ADAM10: variants seen among roughly 807,000 people sequenced by gnomAD.
ADAM10 encodes disintegrin and metalloproteinase domain-containing protein 10.
A neutral mutation model predicts 90.1 loss-of-function variants in ADAM10; 17 were observed. The ratio of observed to expected loss-of-function variants is 0.19; its 90% CI spans 0.13 to 0.28. The LOEUF (loss-of-function observed/expected upper bound fraction) is 0.28, where lower values mean the gene tolerates loss of function less well. ADAM10 is among the 10% of genes least tolerant of loss of function. The pLI is 1.00. For synonymous variants in ADAM10, 310 were observed against 298.6 expected (o/e 1.04, Z -0.40); for missense variants, 610 against 914.3 (o/e 0.67, Z 4.29).
chr15:58,694,644 A>T (rs1473310644), intron 2 of ADAM10, among the ~76,000 whole-genome samples: 1 of 152,192 alleles, frequency 6.6e-6, no homozygotes, highest in Non-Finnish European at 1.5e-5. Flanking sequence ...AAATGTTAGC[A>T]GCAGCTTTAT....
At chr15:58,672,226 C>T (rs1897209190) in intron 4 of ADAM10, 1 of 152,206 alleles carries the variant, frequency 6.6e-6, no homozygotes, top group South Asian at 2.1e-4. Context: ...TCCATGGAGA[C>T]AGTGCTGGGG....
At chr15:58,638,776 A>C (rs1472516239) in intron 8 of ADAM10, among the ~76,000 whole-genome samples, 1 of 152,172 alleles carries the variant, frequency 6.6e-6, no homozygotes, top group African/African-American at 2.4e-5. Context: ...CCATAACTAC[A>C]GTTTAATCAT....
chr15:58,683,686 A>G (rs1339141016), intron 2 of ADAM10, among the ~76,000 whole-genome samples: 1 of 151,578 alleles, frequency 6.6e-6, no homozygotes, highest in Non-Finnish European at 1.5e-5. Context: ...ACACAGCAAA[A>G]CCGTCTCTAC....
In ADAM10 at chr15:58,679,188, T is replaced by G. The variant is rs1397885071; in HGVS notation, c.420A>C (p.Ala140=). 1 of 1,614,066 alleles carries G rather than the reference T, an allele frequency of 6.2e-7. No individual in the cohort carries two copies. The highest frequency in any genetic ancestry group is 8.5e-7 in the Non-Finnish European group (1 of 1,179,976). ...GAGTTCGGTCTTTAATATATCTCTC[T>G]GCTGGCTCAACATAAAATGTGCCAC... ...TRGGTFYVEP[A]ERYIKDRTLP... Residue 140 remains alanine, a synonymous_variant, in exon 4 of 16, where the codon GCA becomes GCC. Coordinates refer to ENST00000260408, the MANE Select transcript of ADAM10 (RefSeq NM_001110.4).
intron 11 of ADAM10, among the ~76,000 whole-genome samples, chr15:58,613,372 A>G (rs1210981170): frequency 6.6e-6 from 1 of 152,214 alleles, no homozygotes; most frequent in African/African-American, 2.4e-5. Context: ...GCACACAGAC[A>G]TGAACACAGG....
chr15:58,698,154 T>C (rs1898027214), intron 2 of ADAM10: 9 of 307,496 alleles, frequency 2.9e-5, no homozygotes. Flanking sequence ...TAGATTCCAA[T>C]GAAAAAGAAA....
intron 4 of ADAM10, among the ~76,000 whole-genome samples, chr15:58,665,716 G>A (rs1213762393): frequency 1.3e-5 from 2 of 151,722 alleles, no homozygotes; most frequent in African/African-American, 4.8e-5. Context: ...TATTCTCATA[G>A]TAGCTCAGTT....
rs1898824458 is a variant in ADAM10 at position 58,720,726 on chromosome 15, A to G, written c.56-2999T>C. 2.0e-5 allele frequency among the ~76,000 whole-genome samples: 3 copies of G among 152,278 alleles called. No individual in the cohort carries two copies. In the South Asian group the frequency reaches 6.2e-4, roughly 32 times the overall value. ...TAGCATGGAACTTTTAAAAATCAAG[A>G]CTAAATAATGGAATCAAATATACCA... On this transcript the variant is annotated intron_variant, in intron 1 of 15. Transcript: ENST00000260408.
At chr15:58,749,124 C>T in intron 1 of ADAM10, 1 of 398,024 alleles carries the variant, frequency 2.5e-6, no homozygotes, top group Non-Finnish European at 4.4e-6. Context: ...CGGCGCCCGC[C>T]GAGCAGACTG....
intron 7 of ADAM10, among the ~76,000 whole-genome samples, chr15:58,642,454 G>A (rs1896440364): frequency 6.7e-6 from 1 of 149,990 alleles, no homozygotes; most frequent in Non-Finnish European, 1.5e-5. Flanking sequence ...GACAGAGTGA[G>A]ACTCCTTCTC....
At chr15:58,599,856 G>A in intron 14 of ADAM10, 132 bp from the exon 15 acceptor site, 1 of 813,952 alleles carries the variant, frequency 1.2e-6, no homozygotes, top group Non-Finnish European at 1.9e-6. Context: ...TTTAGGAGTT[G>A]TATACATATG....
chr15:58,694,765 C>G (rs1373958660), intron 2 of ADAM10, among the ~76,000 whole-genome samples: 3 of 147,546 alleles, frequency 2.0e-5, no homozygotes, highest in African/African-American at 7.5e-5. Flanking sequence ...AAAAAGCCAA[C>G]TATTGAAAAC....
chr15:58,674,772 CAATCTT>C (rs1897274042), intron 4 of ADAM10, among the ~76,000 whole-genome samples: 1 of 152,122 alleles, frequency 6.6e-6, no homozygotes, highest in Non-Finnish European at 1.5e-5. Context: ...TAAAGTTTAA[CAATCTT>C]AATTTTTCAG....
chr15:58,601,179 G>A (rs1895097597), intron 14 of ADAM10, among the ~76,000 whole-genome samples: 1 of 152,102 alleles, frequency 6.6e-6, no homozygotes, highest in African/African-American at 2.4e-5. Context: ...TTAAAAACCT[G>A]AGGCCGGGCA....
At chr15:58,737,301 G>A (rs988093724) in intron 1 of ADAM10, among the ~76,000 whole-genome samples, 3 of 152,112 alleles carry the variant, frequency 2.0e-5, no homozygotes, top group Non-Finnish European at 2.9e-5. Context: ...TTTTATGCGT[G>A]TTCTTTCTGT....
chr15:58,685,542 G>T (rs1299187770), intron 2 of ADAM10, among the ~76,000 whole-genome samples: 1 of 93,624 alleles, frequency 1.1e-5, no homozygotes, highest in African/African-American at 3.8e-5. Context: ...GAATATGAAG[G>T]AGAATATATA....
At chr15:58,700,506 G>C (rs1329707940) in intron 2 of ADAM10, among the ~76,000 whole-genome samples, 2 of 151,876 alleles carry the variant, frequency 1.3e-5, no homozygotes, top group East Asian at 3.8e-4. Context: ...AATTAAGGAA[G>C]AAATCAAAAA....
intron 9 of ADAM10, among the ~76,000 whole-genome samples, chr15:58,629,699 G>C (rs1397053627): frequency 6.6e-6 from 1 of 151,988 alleles, no homozygotes; most frequent in African/African-American, 2.4e-5. Flanking sequence ...TTAAAATTTT[G>C]ATCTATTTCC....
At chr15:58,674,964 C>A (rs948035637) in intron 4 of ADAM10, among the ~76,000 whole-genome samples, 8 of 152,166 alleles carry the variant, frequency 5.3e-5, no homozygotes, top group Middle Eastern at 3.2e-3. Context: ...CCGAGGCGGG[C>A]GGATCACGAG....
Sources: gnomAD v4.1 joint callset for allele counts (sites outside exome capture counted in the v4.1 genomes callset) on GRCh38, gnomAD v4.1.1 for gene constraint, MANE v1.5 for transcripts, NCBI Gene and HGNC (gene_info 2026-07-23, HGNC 2026-07-21) for gene names.